The following WDR91 variants were observed in gnomAD, a reference collection of about 807,000 sequenced individuals.
WDR91 encodes WD repeat domain 91.
WDR91 carries 52 observed loss-of-function variants against 88.4 expected under a neutral mutation model. The ratio of observed to expected loss-of-function variants is 0.59; its 90% confidence interval spans 0.47 to 0.74. The LOEUF is 0.74. Among genes scored for constraint, WDR91 ranks in the 30% least tolerant of loss-of-function variants. The pLI, the probability that WDR91 is intolerant of heterozygous loss-of-function variation, is 0.00. For synonymous variants in WDR91, 362 were observed against 389.5 expected (o/e 0.93, Z 0.83); for missense variants, 824 against 954.5 (o/e 0.86, Z 1.80).
chr7:135,193,555 G>C (rs1406714523), intron 10 of WDR91, 23 bp downstream of exon 10: 2 of 1,613,742 alleles, frequency 1.2e-6, no homozygotes, highest in African/African-American at 1.3e-5. Flanking sequence ...GGCCTTGATG[G>C]TGGGGGGTAG....
rs1391721766 is a variant in WDR91, at chr7:135,196,242, C to T, written c.1146G>A (p.Ser382=). Residue 382 remains serine (S), a synonymous_variant, in exon 8 of 15, where the codon TCG becomes TCA. Transcript: ENST00000354475. This position sits in a 1 kb window ranked among gnomAD's most constrained non-coding sequence, Gnocchi z 4.2. The part of the protein sequence containing the change: ...EPVEPLTRAS[S]AGPEGGGVRP... ...GGACTCCTCCACCCTCAGGGCCTGCCGAGGATGCCCGAGTCAGTGGCTCCA... is the reference window on the plus strand; with the variant it reads ...GGACTCCTCCACCCTCAGGGCCTGCTGAGGATGCCCGAGTCAGTGGCTCCA... 5.0e-6 allele frequency: 8 copies of T among 1,611,812 alleles called. No individual in the cohort carries two copies. Among genetic ancestry groups the T allele is most frequent in the East Asian group, 2.2e-5 (1 of 44,618 alleles).
Position 135,195,082 on chromosome 7 carries a change from A to C in WDR91, c.1247T>G (p.Val416Gly). The C allele has an allele frequency of 1.2e-6, 2 of 1,612,078 alleles. No homozygotes were observed. The highest frequency in any genetic ancestry group is 8.5e-7 in the Non-Finnish European group (1 of 1,179,302). Residue 416 changes from valine to glycine, a missense_variant and splice_region_variant, in exon 9 of 15, where the codon GTG (valine) becomes GGG (glycine). By Grantham distance (109) the Val-to-Gly change is moderately radical. Coordinates refer to ENST00000354475, the MANE Select transcript of WDR91 (RefSeq NM_014149.4). Reference sequence around the variant, plus strand: ...GGCGACTCTCCTCCCAGAGCAGTCCACTCTGAGATGAGAGAAAAGGGAGGC... The same window carrying C: ...GGCGACTCTCCTCCCAGAGCAGTCCCCTCTGAGATGAGAGAAAAGGGAGGC... ...EHHSSIMHCR[V>G]DCSGRRVASL...
rs1320331420 is a variant in WDR91 at position 135,211,416 on chromosome 7, G to A, written c.87C>T (p.Asp29=). The change falls in exon 1 of 15, where the codon GAC becomes GAT. Residue 29 remains aspartate, a synonymous_variant. Transcript: ENST00000354475. ...TCTCCTTGTCCGCCTTGATCTCGGC[G>A]TCCAGCTGCCGCAGTGTGTGCGTGA... ...RGFTHTLRQL[D]AEIKADKEKG... 9 of 1,612,046 alleles carry A rather than the reference G, an allele frequency of 5.6e-6. No individual in the cohort carries two copies. Among genetic ancestry groups the A allele is most frequent in the Non-Finnish European group, 8.5e-7 (1 of 1,179,202 alleles).
At chr7:135,209,840 T>C (rs1831947994) in intron 1 of WDR91, 85 bp from the exon 2 acceptor site, 1 of 1,279,886 alleles carries the variant, frequency 7.8e-7, no homozygotes, top group African/African-American at 1.5e-5. Context: ...CCTCTTGTCA[T>C]GGCTTCTGGG....
At position 135,188,433 on chromosome 7, in the gene WDR91, C is replaced by A. The variant is rs1831035742; in HGVS notation, c.1881G>T (p.Lys627Asn). The change falls in exon 13 of 15, where the codon AAG (lysine) becomes AAT (asparagine). Residue 627 changes from lysine (K) to asparagine (N), a missense_variant and splice_region_variant. Lys to Asn is a moderately conservative substitution (Grantham distance 94, BLOSUM62 0). Transcript: ENST00000354475. ...NTVYSIGEDG[K>N]FIQWNIHKSG... The stretch of plus-strand genomic sequence containing the variant: ...TTATCTGAATCCTGCAGCCGCCTAC[C>A]TTCCCGTCCTCGCCGATGCTGTACA... The A allele has an allele frequency of 1.2e-6, 2 of 1,613,766 alleles. No homozygotes were observed. The highest frequency in any genetic ancestry group is 1.7e-6 in the Non-Finnish European group (2 of 1,179,702).
At position 135,196,480 on chromosome 7, in the gene WDR91, G is replaced by A. The variant is rs1337234517; in HGVS notation, c.1051-143C>T. On this transcript the variant is annotated intron_variant, in intron 7 of 14. Transcript: ENST00000354475. The surrounding 1 kb of genome is among the most constrained non-coding windows in gnomAD (Gnocchi z 4.2). ...AGTGGAGAGGAGAGCTCTGACCTGC[G>A]AGGGTAGTGCTCAGCTCACCCTGGG... is the stretch of plus-strand genomic sequence containing the variant. 1.0e-5 allele frequency: 8 copies of A among 770,644 alleles called. No individual in the cohort carries two copies. Among genetic ancestry groups the A allele is most frequent in the Middle Eastern group, 4.0e-4 (1 of 2,484 alleles). The allele number at this position is 770,644 out of a possible 1,614,324, so 47.7% of individuals were successfully genotyped here.
Position 135,209,559 on chromosome 7 carries a change from C to T in WDR91, c.303+17G>A, listed in dbSNP as rs759230152. The stretch of plus-strand genomic sequence containing the variant: ...TCCTTCCACCAAGGGAAGCAGAACC[C>T]CTGAATCAACAGGCACCTGGATTGT... On this transcript the variant is annotated intron_variant, in intron 2 of 14. Transcript: ENST00000354475. The T allele has an allele frequency of 3.3e-6, 5 of 1,529,642 alleles. No individual in the cohort carries two copies. The highest frequency in any genetic ancestry group is 4.3e-5 in the Admixed American group (2 of 46,944). The allele number at this position is 1,529,642 out of a possible 1,614,324, so 94.8% of individuals were successfully genotyped here. A position where few individuals can be genotyped will look rare whatever the true frequency, so the allele number is the denominator to read the frequency against.
chr7:135,204,273 C>T lies in WDR91; in HGVS notation c.886G>A (p.Gly296Ser). 6.2e-7 allele frequency: 1 copy of T among 1,613,938 alleles called. No individual in the cohort carries two copies. Among genetic ancestry groups the T allele is most frequent in the Non-Finnish European group, 8.5e-7 (1 of 1,179,932 alleles). The part of the protein sequence containing the change: ...QSSAKKESFG[G>S]QGTKGKDPTS... ...GAGGCAGGACTTGTGCTTACCTGAC[C>T]ACCGAAGGACTCTTTCTTGGCCGAG... is the stretch of plus-strand genomic sequence containing the variant. Residue 296 changes from glycine (G) to serine (S), a missense_variant, in exon 6 of 15, where the codon GGT (glycine) becomes AGT (serine). Transcript: ENST00000354475.
intron 13 of WDR91, among the ~76,000 whole-genome samples, 175 bp downstream of exon 13, chr7:135,188,258 C>T (rs1426313448): frequency 2.6e-5 from 4 of 152,176 alleles, no homozygotes; most frequent in Non-Finnish European, 5.9e-5. Flanking sequence ...CCACTGAATT[C>T]ACTAAAACCT....
chr7:135,208,684 T>A, intron 3 of WDR91, 107 bp downstream of exon 3: 1 of 1,043,628 alleles, frequency 9.6e-7, no homozygotes, highest in Non-Finnish European at 1.3e-6. Flanking sequence ...AAATGGTCCC[T>A]GGGCATTTTT....
chr7:135,185,569 A>C lies in WDR91; in HGVS notation c.*582T>G, dbSNP rs558340613. On this transcript the variant is annotated 3_prime_UTR_variant, in exon 15 of 15. Coordinates refer to ENST00000354475, the MANE Select transcript of WDR91 (RefSeq NM_014149.4). ...CTGCCAGCTTTCAGGGAAGAAAAAG[A>C]ATTCTGTGGCCTTGACTTAAGCCCA... The C allele has an allele frequency of 2.0e-5, 3 of 152,336 alleles. No individual in the cohort carries two copies. Among genetic ancestry groups the C allele is most frequent in the Non-Finnish European group, 4.4e-5 (3 of 68,052 alleles). The allele number at this position is 152,336 out of a possible 1,614,324, so 9.4% of individuals were successfully genotyped here. A position where few individuals can be genotyped will look rare whatever the true frequency, so the allele number is the denominator to read the frequency against.
At chr7:135,202,451 C>T (rs1278967294) in intron 6 of WDR91, 2 of 152,238 alleles carry the variant, frequency 1.3e-5, no homozygotes, top group Non-Finnish European at 2.9e-5. Flanking sequence ...CACACAGTGA[C>T]CAAATCTTTG....
chr7:135,202,599 C>G (rs1239264395), intron 6 of WDR91, among the ~76,000 whole-genome samples: 1 of 152,190 alleles, frequency 6.6e-6, no homozygotes, highest in Non-Finnish European at 1.5e-5. Context: ...AGTTCCTAAC[C>G]ACATAGAGTA....
At chr7:135,204,558 G>T in intron 5 of WDR91, 125 bp from the exon 6 acceptor site, 1 of 1,001,186 alleles carries the variant, frequency 1.0e-6, no homozygotes, top group Non-Finnish European at 1.4e-6. Context: ...AAGAGCCTGG[G>T]CTTTAAGGTG....
chr7:135,193,744 G>A lies in WDR91; in HGVS notation c.1396-72C>T, dbSNP rs1044310274. On this transcript the variant is annotated intron_variant, in intron 9 of 14. Coordinates refer to ENST00000354475, the MANE Select transcript of WDR91 (RefSeq NM_014149.4). Reference sequence around the variant, plus strand: ...GCTGAGTCAGGGAGGATCTCCAGAGGGGGTGAGGCTGGGCAGGCTGTGGGG... The same window carrying A: ...GCTGAGTCAGGGAGGATCTCCAGAGAGGGTGAGGCTGGGCAGGCTGTGGGG... The A allele has an allele frequency of 1.2e-5, 16 of 1,381,792 alleles. No homozygotes were observed. The Admixed American group carries it at 2.8e-4, about 25-fold the overall frequency. The allele number at this position is 1,381,792 out of a possible 1,614,324, so 85.6% of individuals were successfully genotyped here.
chr7:135,194,435 A>G (rs1831287719), intron 9 of WDR91, among the ~76,000 whole-genome samples: 1 of 152,238 alleles, frequency 6.6e-6, no homozygotes, highest in Non-Finnish European at 1.5e-5. Flanking sequence ...AAGTAAAAGA[A>G]AAAACAGCAA....
Position 135,198,138 on chromosome 7 carries a change from T to C in WDR91, c.905A>G (p.Lys302Arg), listed in dbSNP as rs1205581745. The C allele has an allele frequency of 6.2e-7, 1 of 1,612,754 alleles. No individual in the cohort carries two copies. The highest frequency in any genetic ancestry group is 2.2e-5 in the East Asian group (1 of 44,866). ...ATCCTTGGCTCCGGACGTCGGGTCC[T>C]TTCCCTTGGTGCCCTAGAGGAAAAG... ...ESFGGQGTKGKDPTSGAKDGK... is the reference protein window; with the variant it reads ...ESFGGQGTKGRDPTSGAKDGK... The change falls in exon 7 of 15, where the codon AAG becomes AGG. Residue 302 changes from lysine to arginine, a missense_variant. Physicochemically the swap from Lys to Arg is conservative, Grantham distance 26. Coordinates refer to ENST00000354475, the MANE Select transcript of WDR91 (RefSeq NM_014149.4).
chr7:135,206,868 C>T lies in WDR91; in HGVS notation c.594+252G>A, dbSNP rs953714225. On this transcript the variant is annotated intron_variant, in intron 4 of 14. Transcript: ENST00000354475. ...GCATGGATGCATATAGTCTTTTTCT[C>T]CTTAAAAGTTAATTACTGTTACTAT... 6 of 235,754 alleles carry T rather than the reference C, an allele frequency of 2.5e-5. 1 individual carries two copies. Among genetic ancestry groups the T allele is most frequent in the African/African-American group, 1.3e-4 (6 of 45,560 alleles). The allele number at this position is 235,754 out of a possible 1,614,324, so 14.6% of individuals were successfully genotyped here.
At chr7:135,192,382 T>C (rs1401571923) in intron 11 of WDR91, among the ~76,000 whole-genome samples, 1 of 152,178 alleles carries the variant, frequency 6.6e-6, no homozygotes, top group Non-Finnish European at 1.5e-5. Flanking sequence ...CTTCCCAAAG[T>C]GCTGGGATTA....
Sources: gnomAD v4.1 joint callset for allele counts (sites outside exome capture counted in the v4.1 genomes callset) on GRCh38, gnomAD v4.1.1 for gene constraint, Gnocchi (gnomAD v3.1) non-coding constraint, MANE v1.5 for transcripts, NCBI Gene and HGNC (gene_info 2026-07-23, HGNC 2026-07-21) for gene names.